The following ZNF385D variants were observed in gnomAD, a reference collection of about 807,000 sequenced individuals.
ZNF385D encodes zinc finger protein 385D.
Under a neutral mutation model 35.8 loss-of-function variants are expected in ZNF385D, and 15 were observed. The observed-to-expected ratio is 0.42, with a 90% confidence interval of 0.28 to 0.64. The LOEUF (loss-of-function observed/expected upper bound fraction) is 0.64, where lower values mean the gene tolerates loss of function less well. ZNF385D is among the 30% of genes least tolerant of loss of function. The pLI, the probability that ZNF385D is intolerant of heterozygous loss-of-function variation, is 0.23. For missense variants in ZNF385D, 474 were observed against 494.6 expected (o/e 0.96, Z 0.39); for synonymous variants, 212 against 186.8 (o/e 1.13, Z -1.10).
rs372904216 is a variant in ZNF385D at position 21,770,429 on chromosome 3, T to G, written c.326-105401A>C. Among the ~76,000 whole-genome samples the G allele has an allele frequency of 1.7e-4, 26 of 151,906 alleles. No individual in the cohort carries two copies. The South Asian group carries it at 2.5e-3, about 15-fold the overall frequency. On this transcript the variant is annotated intron_variant, in intron 3 of 5. Transcript: ENST00000494108. The stretch of plus-strand genomic sequence containing the variant: ...GAACCCCATCAAAAAGTGGGCAAAG[T>G]ATATGAACAGACACTTCTCAAAAGA...
chr3:22,248,983 T>A (rs1341351280), intron 2 of ZNF385D, among the ~76,000 whole-genome samples: 1 of 152,168 alleles, frequency 6.6e-6, no homozygotes, highest in East Asian at 1.9e-4. Flanking sequence ...CCTGTAAGTA[T>A]TCTGACTGAT....
Position 21,828,748 on chromosome 3 carries a change from T to G in ZNF385D, c.326-163720A>C, listed in dbSNP as rs187904187. On this transcript the variant is annotated intron_variant, in intron 3 of 5. Coordinates refer to the ZNF385D transcript ENST00000494108. Reference sequence around the variant, plus strand: ...ATCTTACAGTTCTGAGAGTCAGAAGTCTGAAATTAGTTTTACTGCACTGAA... The same window carrying G: ...ATCTTACAGTTCTGAGAGTCAGAAGGCTGAAATTAGTTTTACTGCACTGAA... Among the ~76,000 whole-genome samples the G allele has an allele frequency of 2.6e-3, 399 of 152,316 alleles. 2 individuals carry two copies. The highest frequency in any genetic ancestry group is 6.7e-3 in the Admixed American group (103 of 15,298).
At chr3:21,715,294 C>T (rs745453881) in intron 1 of ZNF385D, among the ~76,000 whole-genome samples, 2 of 152,052 alleles carry the variant, frequency 1.3e-5, no homozygotes, top group Non-Finnish European at 2.9e-5. Flanking sequence ...ACTCTCTATA[C>T]CAATGGTGTT....
At chr3:21,432,268 T>TCTC (rs3064964) in intron 5 of ZNF385D, among the ~76,000 whole-genome samples, 145,704 of 152,160 alleles carry the variant, frequency 0.96, 69,768 homozygotes, top group East Asian at 0.99. Flanking sequence ...TAATCAATCT[T>TCTC]ATCCTTCTTT....
intron 3 of ZNF385D, among the ~76,000 whole-genome samples, chr3:21,800,833 G>A (rs758599507): frequency 1.3e-4 from 20 of 151,876 alleles, no homozygotes; most frequent in South Asian, 6.2e-4. Flanking sequence ...ACATAGTTTC[G>A]CTTCTTTTTC....
rs1423531180 is a variant in ZNF385D, at chr3:22,100,591, A to G, written c.325+68226T>C. On this transcript the variant is annotated intron_variant, in intron 3 of 5. Coordinates refer to the ZNF385D transcript ENST00000494108. Reference sequence around the variant, plus strand: ...CAGTAAACTATCACAAGGACAAAAAACCAAACATCACATATTCTCACTCAT... The same window carrying G: ...CAGTAAACTATCACAAGGACAAAAAGCCAAACATCACATATTCTCACTCAT... Among the ~76,000 whole-genome samples the G allele has an allele frequency of 6.6e-5, 10 of 150,766 alleles. 1 individual carries two copies. Among genetic ancestry groups the G allele is most frequent in the African/African-American group, 2.4e-4 (10 of 41,082 alleles).
intron 3 of ZNF385D, among the ~76,000 whole-genome samples, chr3:22,118,435 TGAGG>T (rs1386553234): frequency 6.6e-6 from 1 of 151,902 alleles, no homozygotes; most frequent in Non-Finnish European, 1.5e-5. Context: ...ATTTGTGAGG[TGAGG>T]GAGGGAGTGA....
At chr3:21,856,285 G>A (rs1288856610) in intron 3 of ZNF385D, among the ~76,000 whole-genome samples, 2 of 141,036 alleles carry the variant, frequency 1.4e-5, no homozygotes, top group Non-Finnish European at 2.9e-5. Context: ...GAATGTCCAG[G>A]ATTACATCCA....
At chr3:21,640,073 T>G (rs908088499) in intron 2 of ZNF385D, among the ~76,000 whole-genome samples, 1 of 152,110 alleles carries the variant, frequency 6.6e-6, no homozygotes, top group Non-Finnish European at 1.5e-5. Flanking sequence ...ATGCTTTCTT[T>G]CTTTCTTTCT....
At chr3:22,001,894 C>T (rs1441277843) in intron 3 of ZNF385D, among the ~76,000 whole-genome samples, 2 of 151,346 alleles carry the variant, frequency 1.3e-5, no homozygotes, top group African/African-American at 4.9e-5. Context: ...ATTATTGAAA[C>T]AAATTAAAAT....
At chr3:21,426,972 T>C (rs538730435) in intron 5 of ZNF385D, among the ~76,000 whole-genome samples, 16 of 152,296 alleles carry the variant, frequency 1.1e-4, no homozygotes, top group African/African-American at 3.8e-4. Context: ...TATTAAAATG[T>C]TCATATTTCA....
In ZNF385D at chr3:22,155,449, T is replaced by G. The variant is rs1378157772; in HGVS notation, c.325+13368A>C. The stretch of plus-strand genomic sequence containing the variant: ...CTATATGAAGGGAAGGAAAATATTT[T>G]ATGGCAGTAGGAATAAAAACAGAAT... On this transcript the variant is annotated intron_variant, in intron 3 of 5. Coordinates refer to the ZNF385D transcript ENST00000494108. Among the ~76,000 whole-genome samples, 10 of 152,116 alleles carry G rather than the reference T, an allele frequency of 6.6e-5. No homozygotes were observed. In the East Asian group the frequency reaches 1.9e-3, roughly 29 times the overall value.
chr3:21,974,587 A>C (rs1301905498), intron 3 of ZNF385D, among the ~76,000 whole-genome samples: 1 of 152,100 alleles, frequency 6.6e-6, no homozygotes. Context: ...CACATCAAGT[A>C]AACAGCTCCT....
intron 3 of ZNF385D, among the ~76,000 whole-genome samples, chr3:21,937,074 G>A (rs897789576): frequency 2.0e-5 from 3 of 152,110 alleles, no homozygotes; most frequent in Non-Finnish European, 4.4e-5. Context: ...ACTAGTAATA[G>A]AAGTTAGCCT....
intron 2 of ZNF385D, among the ~76,000 whole-genome samples, chr3:22,350,182 C>T (rs1373735100): frequency 6.6e-6 from 1 of 152,122 alleles, no homozygotes; most frequent in Admixed American, 6.6e-5. Flanking sequence ...AAGTTTACCC[C>T]AGGAAAAATT....
intron 3 of ZNF385D, among the ~76,000 whole-genome samples, chr3:21,794,591 TC>T (rs1203495471): frequency 6.6e-6 from 1 of 152,124 alleles, no homozygotes; most frequent in Admixed American, 6.5e-5. Flanking sequence ...GACAATGCCT[TC>T]TTGTGGTGTT....
At chr3:21,724,477 C>CAAAAAAAAAAAAA (rs200803155) in intron 1 of ZNF385D, among the ~76,000 whole-genome samples, 11 of 52,016 alleles carry the variant, frequency 2.1e-4, no homozygotes, top group African/African-American at 6.3e-4. Context: ...AATGGAAAGC[C>CAAAAAAAAAAAAA]AAAAAAAAAA....
In ZNF385D at chr3:21,646,613, A is replaced by G. The variant is rs772840808; in HGVS notation, c.165+18273T>C. Among the ~76,000 whole-genome samples the G allele has an allele frequency of 2.0e-5, 3 of 152,222 alleles. No individual in the cohort carries two copies. The highest frequency in any genetic ancestry group is 4.4e-5 in the Non-Finnish European group (3 of 68,036). ...TTTTGGAAATATGTCAGACCTAGAT[A>G]AACTCTGATAATCTTGACAACTCTT... On this transcript the variant is annotated intron_variant, in intron 2 of 7. Transcript: ENST00000281523. This position sits in a 1 kb window ranked among gnomAD's most constrained non-coding sequence, Gnocchi z 4.3.
chr3:21,975,754 TACACACACTATGGTATCCACAAAA>T (rs1703575807), intron 3 of ZNF385D, among the ~76,000 whole-genome samples: 22 of 115,410 alleles, frequency 1.9e-4, no homozygotes, highest in Non-Finnish European at 3.3e-4. Flanking sequence ...TATATATATA[TACACACACTATGGTATCCACAAAA>T]ATATATATCT....
Sources: gnomAD v4.1 joint callset for allele counts (sites outside exome capture counted in the v4.1 genomes callset) on GRCh38, gnomAD v4.1.1 for gene constraint, Gnocchi (gnomAD v3.1) non-coding constraint, MANE v1.5 for transcripts, NCBI Gene and HGNC (gene_info 2026-07-23, HGNC 2026-07-21) for gene names.